Variants in NAGPA observed in about 807,000 individuals in gnomAD.
The protein encoded by NAGPA is alpha-N-acetylglucosaminyl phosphodiesterase.
Under a neutral mutation model 48.5 loss-of-function variants are expected in NAGPA, and 56 were observed. That is an observed-to-expected ratio of 1.15 (90% confidence interval 0.93 to 1.44). The LOEUF (loss-of-function observed/expected upper bound fraction) is 1.44, where lower values mean the gene tolerates loss of function less well. NAGPA is among the 40% of genes most tolerant of loss of function. The pLI is 0.00. For synonymous variants in NAGPA, 399 were observed against 315.5 expected (o/e 1.26, Z -2.81); for missense variants, 888 against 735.0 (o/e 1.21, Z -2.41).
chr16:5,025,825 G>C (rs1954329836), intron 9 of NAGPA, 140 bp from the exon 10 acceptor site: 1 of 853,544 alleles, frequency 1.2e-6, no homozygotes. Flanking sequence ...AATGTTATGA[G>C]CAAAATGGAC....
chr16:5,027,876 C>T lies in NAGPA; in HGVS notation c.1144G>A (p.Ala382Thr), dbSNP rs780275663. The change falls in exon 7 of 10, where the codon GCC becomes ACC. Residue 382 changes from alanine (A) to threonine (T), a missense_variant. Transcript: ENST00000312251. The part of the protein sequence containing the change: ...LCTETGCRCD[A>T]GWTGSNCSEE... Reference sequence around the variant, plus strand: ...CTGCAGTTGGACCCGGTCCATCCGGCATCACAGCGGCAGCCGGCTGCCGAG... The same window carrying T: ...CTGCAGTTGGACCCGGTCCATCCGGTATCACAGCGGCAGCCGGCTGCCGAG... 3.7e-5 allele frequency: 59 copies of T among 1,583,686 alleles called. No individual in the cohort carries two copies. The highest frequency in any genetic ancestry group is 5.0e-5 in the Non-Finnish European group (58 of 1,164,864).
intron 3 of NAGPA, chr16:5,030,906 A>C: frequency 3.8e-6 from 1 of 260,074 alleles, no homozygotes; most frequent in Non-Finnish European, 7.5e-6. Context: ...TCACCTCCTT[A>C]GTGAGGCCTT....
At chr16:5,031,510 A>C in intron 3 of NAGPA, 1 of 539,272 alleles carries the variant, frequency 1.9e-6, no homozygotes, top group Non-Finnish European at 3.3e-6. Flanking sequence ...CCTTTCCCCT[A>C]ACTTTATTTT....
rs1956018983 is a variant in NAGPA at position 5,027,278 on chromosome 16, C to T, written c.1276G>A (p.Val426Ile). Residue 426 changes from valine (V) to isoleucine (I), a missense_variant and splice_region_variant, in exon 8 of 10, where the codon GTA becomes ATA. Coordinates refer to ENST00000312251, the MANE Select transcript of NAGPA (RefSeq NM_016256.4). The stretch of plus-strand genomic sequence containing the variant: ...CCCCTCCCCTTGGAGGGATAGGTAC[C>T]TCTGGAGACGCTGCAGTTGCCAGTC... ...PKTGNCSVSR[V>I]KQCLQPPEAT... 1 of 1,614,228 alleles carries T rather than the reference C, an allele frequency of 6.2e-7. No homozygotes were observed. Among genetic ancestry groups the T allele is most frequent in the Non-Finnish European group, 8.5e-7 (1 of 1,180,038 alleles).
intron 4 of NAGPA, chr16:5,029,868 G>A (rs1216662642): frequency 1.1e-5 from 2 of 174,238 alleles, no homozygotes; most frequent in African/African-American, 4.8e-5. Context: ...AGGTTGCAGT[G>A]AGCTGAGATT....
chr16:5,033,672 G>A lies in NAGPA; in HGVS notation c.143C>T (p.Pro48Leu), dbSNP rs1169475682. The change falls in exon 2 of 10, where the codon CCC becomes CTC. Residue 48 changes from proline (P) to leucine (L), a missense_variant. Coordinates refer to ENST00000312251, the MANE Select transcript of NAGPA (RefSeq NM_016256.4). The surrounding 1 kb of genome is among the most constrained non-coding windows in gnomAD (Gnocchi z 4.2). ...GGCGCGCACCCGTGTGCAGTCCCGGGGGAGGCGCGCGCGCGCGCGTGGATA... is the reference window on the plus strand; with the variant it reads ...GGCGCGCACCCGTGTGCAGTCCCGGAGGAGGCGCGCGCGCGCGCGTGGATA... ...LPYPRARARL[P>L]RDCTRVRAGN... The A allele has an allele frequency of 1.3e-6, 2 of 1,594,410 alleles. No individual in the cohort carries two copies. The highest frequency in any genetic ancestry group is 1.7e-5 in the Admixed American group (1 of 59,274).
At chr16:5,031,497 T>C (rs1430589641) in intron 3 of NAGPA, 3 of 518,658 alleles carry the variant, frequency 5.8e-6, no homozygotes, top group Non-Finnish European at 1.0e-5. Flanking sequence ...TCCCCATCTC[T>C]CCCCTTTCCC....
At chr16:5,029,163 G>A in intron 4 of NAGPA, 155 bp from the exon 5 acceptor site, 1 of 1,285,224 alleles carries the variant, frequency 7.8e-7, no homozygotes, top group Non-Finnish European at 1.1e-6. Flanking sequence ...GCCCCCGGAA[G>A]CTGTGAACAC....
At position 5,027,315 on chromosome 16, in the gene NAGPA, G is replaced by C. The variant is rs1199575609; in HGVS notation, c.1239C>G (p.Pro413=). The change falls in exon 8 of 10, where the codon CCC becomes CCG. Residue 413 remains proline (P), a synonymous_variant. Coordinates refer to ENST00000312251, the MANE Select transcript of NAGPA (RefSeq NM_016256.4). ...TGCAGTTGCCAGTCTTGGGGTCACA[G>C]GGACAATGGTGCTCACACTTACAAG... ...QRPCKCEHHC[P]CDPKTGNCSV... The C allele has an allele frequency of 1.2e-6, 2 of 1,614,096 alleles. No homozygotes were observed. The highest frequency in any genetic ancestry group is 1.3e-5 in the African/African-American group (1 of 74,936).
In NAGPA at chr16:5,028,708, C is replaced by T. The variant is rs1956047995; in HGVS notation, c.920+172G>A. The T allele has an allele frequency of 3.0e-6, 3 of 997,546 alleles. No individual in the cohort carries two copies. In the Admixed American group the frequency reaches 5.2e-5, roughly 17 times the overall value. 61.8% of individuals were successfully genotyped at this position (997,546 alleles called of 1,614,324 possible). On this transcript the variant is annotated intron_variant, in intron 5 of 9. Coordinates refer to ENST00000312251, the MANE Select transcript of NAGPA (RefSeq NM_016256.4). ...GGGAGGTCTTTGCTGACCAACTGAC[C>T]CTGCTCCTAGGCCTGGGTAGTACTG...
At chr16:5,025,776 G>A (rs1308294119) in intron 9 of NAGPA, 91 bp from the exon 10 acceptor site, 2 of 1,352,914 alleles carry the variant, frequency 1.5e-6, no homozygotes, top group Non-Finnish European at 2.1e-6. Flanking sequence ...ACCCGGCATA[G>A]ATAGCACTAA....
chr16:5,029,099 C>A (rs1310600257), intron 4 of NAGPA, 91 bp from the exon 5 acceptor site: 3 of 1,591,816 alleles, frequency 1.9e-6, no homozygotes, highest in Admixed American at 3.3e-5. Context: ...GCATCACGCC[C>A]ACAGTGCAGG....
At chr16:5,030,733 C>G (rs1466291647) in intron 3 of NAGPA, 1 of 572,634 alleles carries the variant, frequency 1.7e-6, no homozygotes, top group African/African-American at 1.9e-5. Context: ...AATGGTTTCC[C>G]CTGTTCTTAG....
At chr16:5,029,200 T>C in intron 4 of NAGPA, 192 bp from the exon 5 acceptor site, 8 of 893,138 alleles carry the variant, frequency 9.0e-6, no homozygotes, top group Non-Finnish European at 1.2e-5. Flanking sequence ...GCCTGTGCTG[T>C]TACATGGCAT....
Position 5,027,388 on chromosome 16 carries a change from A to T in NAGPA, c.1175-9T>A. On this transcript the variant is annotated splice_polypyrimidine_tract_variant and intron_variant, in intron 7 of 9. Coordinates refer to ENST00000312251, the MANE Select transcript of NAGPA (RefSeq NM_016256.4). ...CCAGCCAAGGGGACACTCTATGGAA[A>T]GGAGATGGGAGGAGGGAGGAGGGAG... 1 of 1,589,812 alleles carries T rather than the reference A, an allele frequency of 6.3e-7. No homozygotes were observed. Among genetic ancestry groups the T allele is most frequent in the Non-Finnish European group, 8.6e-7 (1 of 1,167,962 alleles).
chr16:5,032,723 A>C (rs1355764091), intron 2 of NAGPA, among the ~76,000 whole-genome samples: 1 of 151,462 alleles, frequency 6.6e-6, no homozygotes, highest in Non-Finnish European at 1.5e-5. Flanking sequence ...TGTTTCTGAC[A>C]CCCCACTCCT....
Position 5,025,756 on chromosome 16 carries a change from G to A in NAGPA, c.1341-71C>T, listed in dbSNP as rs766523796. 2.2e-5 allele frequency: 33 copies of A among 1,473,608 alleles called. No individual in the cohort carries two copies. The Admixed American group carries it at 3.9e-4, about 18-fold the overall frequency. The allele number at this position is 1,473,608 out of a possible 1,614,324, so 91.3% of individuals were successfully genotyped here. ...TCAGGGCTTGGGTAGCACTGGAGGG[G>A]CTTCCCTCTACCCGGCATAGATAGC... On this transcript the variant is annotated intron_variant, in intron 9 of 9. Coordinates refer to ENST00000312251, the MANE Select transcript of NAGPA (RefSeq NM_016256.4).
At chr16:5,030,597 A>G in intron 3 of NAGPA, 104 bp from the exon 4 acceptor site, 1 of 931,882 alleles carries the variant, frequency 1.1e-6, no homozygotes, top group Admixed American at 2.0e-5. Context: ...CCTCCCTGGG[A>G]AGCACAGCAG....
At chr16:5,028,822 G>A in intron 5 of NAGPA, 58 bp downstream of exon 5, 2 of 1,612,346 alleles carry the variant, frequency 1.2e-6, no homozygotes, top group Admixed American at 1.7e-5. Context: ...GGCTGAATGA[G>A]ACAGGCTGGG....
Sources: allele counts gnomAD v4.1 joint callset (sites outside exome capture counted in the v4.1 genomes callset), GRCh38; gene constraint gnomAD v4.1.1; non-coding constraint Gnocchi (gnomAD v3.1); transcripts MANE v1.5; gene names NCBI Gene and HGNC (gene_info 2026-07-23, HGNC 2026-07-21).